Variants in AP3D1 observed in about 807,000 individuals in gnomAD.
AP3D1 encodes AP-3 complex subunit delta-1.
In AP3D1, 51 loss-of-function variants were observed where a neutral mutation model predicts 147.6. The ratio of observed to expected loss-of-function variants is 0.35; its 90% confidence interval spans 0.28 to 0.44. The LOEUF is 0.44. Ranked by LOEUF, AP3D1 falls within the 20% of genes least tolerant of loss-of-function variation. The pLI is 1.00. For missense variants in AP3D1, 1,421 were observed against 1,624.2 expected, an observed-to-expected ratio of 0.87 and a Z score of 2.15; for synonymous variants, 760 against 663.0, an observed-to-expected ratio of 1.15 and a Z score of -2.25.
chr19:2,117,469 G>GC, intron 15 of AP3D1, 102 bp from the exon 16 acceptor site: 1 of 1,298,834 alleles, frequency 7.7e-7, no homozygotes, highest in South Asian at 1.6e-5. Flanking sequence ...TGACGTGTGG[G>GC]CCCCCTGGTA....
intron 1 of AP3D1, among the ~76,000 whole-genome samples, chr19:2,148,897 G>A (rs1489185945): frequency 2.6e-5 from 4 of 152,182 alleles, no homozygotes; most frequent in South Asian, 2.1e-4. Context: ...CAGAAAATGC[G>A]CACACTGTCT....
At chr19:2,156,965 T>A (rs972330227) in intron 1 of AP3D1, among the ~76,000 whole-genome samples, 16 of 138,656 alleles carry the variant, frequency 1.2e-4, no homozygotes, top group African/African-American at 4.3e-4. Flanking sequence ...TCCATCCATT[T>A]ATCCATCCAT....
At chr19:2,108,804 T>C (rs1440582268) in intron 30 of AP3D1, 38 bp from the exon 31 acceptor site, 1 of 1,546,372 alleles carries the variant, frequency 6.5e-7, no homozygotes, top group East Asian at 2.4e-5. Flanking sequence ...TCCCGGACAT[T>C]GCATGGCTGC....
At chr19:2,157,927 T>C (rs901653681) in intron 1 of AP3D1, among the ~76,000 whole-genome samples, 4 of 152,222 alleles carry the variant, frequency 2.6e-5, no homozygotes, top group Non-Finnish European at 4.4e-5. Flanking sequence ...ATAGTGGTGA[T>C]GGAGGAAATT....
rs746494883 is a variant in AP3D1, at chr19:2,121,143, C to A, written c.1250+20G>T. The A allele has an allele frequency of 6.2e-7, 1 of 1,613,996 alleles. No homozygotes were observed. The highest frequency in any genetic ancestry group is 1.1e-5 in the South Asian group (1 of 91,080). On this transcript the variant is annotated intron_variant, in intron 13 of 31. Transcript: ENST00000643116. ...CGGCGCCACGGAACCCCCGGCCACA[C>A]CCCTGGGAGCGGGACGCACCACTCG...
chr19:2,104,299 G>A (rs567913070), intron 31 of AP3D1, among the ~76,000 whole-genome samples: 1,523 of 136,596 alleles, frequency 0.011, 31 homozygotes, highest in African/African-American at 0.037. Flanking sequence ...CCAACGCCAA[G>A]ACACCAACAC....
Position 2,121,237 on chromosome 19 carries a change from G to A in AP3D1, c.1176C>T (p.Tyr392=), listed in dbSNP as rs2018602612. 1 of 1,614,094 alleles carries A rather than the reference G, an allele frequency of 6.2e-7. No individual in the cohort carries two copies. Among genetic ancestry groups the A allele is most frequent in the Non-Finnish European group, 8.5e-7 (1 of 1,180,026 alleles). ...THVDKAEGTT[Y]RDELLTKIID... ...TGATCTTGGTGAGCAGCTCGTCACG[G>A]TAGGTGGTACCCTCTGCCTTGTCTA... The change falls in exon 13 of 32, where the codon TAC becomes TAT. Residue 392 remains tyrosine (Y), a synonymous_variant. Coordinates refer to ENST00000643116, the MANE Select transcript of AP3D1 (RefSeq NM_001261826.3).
intron 6 of AP3D1, 94 bp downstream of exon 6, chr19:2,130,314 C>A: frequency 1.9e-6 from 3 of 1,553,844 alleles, no homozygotes; most frequent in Non-Finnish European, 2.6e-6. Flanking sequence ...TTCACCACTC[C>A]CCGCAGCACC....
At chr19:2,164,083 GCCTCCCGCCCCTC>G (rs1055259491) in intron 1 of AP3D1, 3 of 148,312 alleles carry the variant, frequency 2.0e-5, no homozygotes, top group South Asian at 1.9e-4. Flanking sequence ...CCTCCCCTCA[GCCTCCCGCCCCTC>G]CCTCCCGCCC....
At position 2,118,694 on chromosome 19, in the gene AP3D1, G is replaced by A. The variant is rs767983356; in HGVS notation, c.1620C>T (p.Ala540=). The A allele has an allele frequency of 8.7e-6, 14 of 1,613,376 alleles. No homozygotes were observed. Among genetic ancestry groups the A allele is most frequent in the Middle Eastern group, 3.3e-4 (2 of 6,062 alleles). Residue 540 remains alanine, a synonymous_variant, in exon 15 of 32, where the codon GCC becomes GCT. Coordinates refer to ENST00000643116, the MANE Select transcript of AP3D1 (RefSeq NM_001261826.3). The part of the protein sequence containing the change: ...YASILQQKEQ[A]GEAEGAQAVT... ...CGGCCTGAGCGCCCTCTGCCTCCCC[G>A]GCCTGCTCCTTCTGCTGCAGGATGG...
chr19:2,110,524 G>A (rs1462904461), intron 27 of AP3D1, among the ~76,000 whole-genome samples, 183 bp downstream of exon 27: 4 of 152,070 alleles, frequency 2.6e-5, no homozygotes, highest in African/African-American at 9.7e-5. Context: ...AGGTCCATCC[G>A]AGGCCATTGC....
chr19:2,116,892 G>T, intron 16 of AP3D1, 146 bp from the exon 17 acceptor site: 1 of 1,135,682 alleles, frequency 8.8e-7, no homozygotes, highest in Non-Finnish European at 1.2e-6. Flanking sequence ...AGCGAGGCAG[G>T]TGTCACTGCC....
intron 1 of AP3D1, among the ~76,000 whole-genome samples, chr19:2,163,677 G>A (rs1048145229): frequency 7.2e-5 from 11 of 152,014 alleles, no homozygotes; most frequent in Non-Finnish European, 1.3e-4. Flanking sequence ...GCTATCCGAC[G>A]GGCCCGCCCA....
rs998292313 is a variant in AP3D1 at position 2,129,238 on chromosome 19, C to T, written c.733-75G>A. ...GGTGAGGGACAGGGGGGGCCTCGGT[C>T]ACCCGCAGGGAATGCCCCACACAGG... On this transcript the variant is annotated intron_variant, in intron 7 of 31. Coordinates refer to ENST00000643116, the MANE Select transcript of AP3D1 (RefSeq NM_001261826.3). 3.7e-6 allele frequency: 6 copies of T among 1,611,400 alleles called. No individual in the cohort carries two copies. In the African/African-American group the frequency reaches 4.0e-5, roughly 11 times the overall value.
intron 9 of AP3D1, among the ~76,000 whole-genome samples, chr19:2,125,780 G>A (rs571870779): frequency 6.6e-6 from 1 of 152,038 alleles, no homozygotes; most frequent in Admixed American, 6.6e-5. Flanking sequence ...ACAATCTAGA[G>A]GTGTACCTTA....
chr19:2,129,292 AG>A (rs1204524291), intron 7 of AP3D1, 25 bp downstream of exon 7: 10 of 1,613,068 alleles, frequency 6.2e-6, no homozygotes, highest in African/African-American at 5.4e-5. Context: ...CAGGGTGAGG[AG>A]GCCACATTCC....
rs768152921 is a variant in AP3D1 at position 2,111,819 on chromosome 19, T to C, written c.2797A>G (p.Lys933Glu). The C allele has an allele frequency of 3.1e-6, 5 of 1,613,880 alleles. No homozygotes were observed. The Admixed American group carries it at 8.3e-5, about 27-fold the overall frequency. Reference sequence around the variant, plus strand: ...TTCCTGTGCTTCTTCTTCTTAGGCTTGGGAGATTTCTGGAGCAAGAGGAGG... The same window carrying C: ...TTCCTGTGCTTCTTCTTCTTAGGCTCGGGAGATTTCTGGAGCAAGAGGAGG... Reference protein sequence around the residue: ...EGQDQDKKSPKPKKKKHRKEK... With the variant: ...EGQDQDKKSPEPKKKKHRKEK... The change falls in exon 25 of 32, where the codon AAG (lysine) becomes GAG (glutamate). Residue 933 changes from lysine (K) to glutamate (E), a missense_variant. Lys to Glu is a moderately conservative substitution (Grantham distance 56). Coordinates refer to ENST00000643116, the MANE Select transcript of AP3D1 (RefSeq NM_001261826.3).
rs1327049438 is a variant in AP3D1, at chr19:2,111,726, C to T, written c.2890G>A (p.Ala964Thr). 2.5e-6 allele frequency: 4 copies of T among 1,605,640 alleles called. 1 individual carries two copies. The East Asian group carries it at 6.7e-5, about 27-fold the overall frequency. ...GCGCCATTCTGCACCGGCTCCCCCG[C>T]TGCCTCCTCGCTGCCTGGAGGCTGC... Reference protein sequence around the residue: ...KKQPPGSEEAAGEPVQNGAPE... With the variant: ...KKQPPGSEEATGEPVQNGAPE... Residue 964 changes from alanine to threonine, a missense_variant, in exon 25 of 32, where the codon GCG becomes ACG. Physicochemically the swap from Ala to Thr is moderately conservative, Grantham distance 58. Transcript: ENST00000643116.
chr19:2,105,524 G>C lies in AP3D1; in HGVS notation c.3552+3163C>G, dbSNP rs2018086051. On this transcript the variant is annotated intron_variant, in intron 31 of 31. Transcript: ENST00000643116. Reference sequence around the variant, plus strand: ...GGCCCATCCATTCGTTTCCCGTAGGGGATACTTTTAGTTAATTTAATATCT... The same window carrying C: ...GGCCCATCCATTCGTTTCCCGTAGGCGATACTTTTAGTTAATTTAATATCT... Among the ~76,000 whole-genome samples, 3 of 152,262 alleles carry C rather than the reference G, an allele frequency of 2.0e-5. No homozygotes were observed. In the South Asian group the frequency reaches 6.2e-4, roughly 32 times the overall value.
Sources: gnomAD v4.1 joint callset for allele counts (sites outside exome capture counted in the v4.1 genomes callset) on GRCh38, gnomAD v4.1.1 for gene constraint, MANE v1.5 for transcripts, NCBI Gene and HGNC (gene_info 2026-07-23, HGNC 2026-07-21) for gene names.